PRPF3: variants seen among roughly 807,000 people sequenced by gnomAD.
PRPF3 encodes U4/U6 small nuclear ribonucleoprotein Prp3.
Under a neutral mutation model 89.2 loss-of-function variants are expected in PRPF3, and 3 were observed. The observed-to-expected ratio is 0.03, with a 90% confidence interval of 0.02 to 0.09. PRPF3 has a LOEUF of 0.09. PRPF3 is among the 10% of genes least tolerant of loss of function. PRPF3 has a pLI of 1.00. For missense variants in PRPF3, 463 were observed against 828.8 expected (o/e 0.56, Z 5.42); for synonymous variants, 270 against 289.1 (o/e 0.93, Z 0.67).
chr1:150,340,311 T>TG, intron 8 of PRPF3, 87 bp from the exon 9 acceptor site: 1 of 942,018 alleles, frequency 1.1e-6, no homozygotes, highest in South Asian at 1.3e-5. Context: ...TTATAGAGAG[T>TG]GGGTTTTTTC....
chr1:150,349,972 C>T (rs1372780229), intron 15 of PRPF3, among the ~76,000 whole-genome samples: 5 of 151,908 alleles, frequency 3.3e-5, no homozygotes, highest in Non-Finnish European at 7.4e-5. Context: ...CTCGGCTCAC[C>T]GCAACCTCTA....
At chr1:150,348,459 C>CTTTTTTTTTTTTTTTT (rs1553873583) in intron 14 of PRPF3, among the ~76,000 whole-genome samples, 4 of 34,832 alleles carry the variant, frequency 1.1e-4, no homozygotes, top group African/African-American at 2.8e-4. Flanking sequence ...TCTACACGTG[C>CTTTTTTTTTTTTTTTT]ATTTTTTTTT....
chr1:150,345,963 T>C, intron 12 of PRPF3, 55 bp from the exon 13 acceptor site: 1 of 1,372,886 alleles, frequency 7.3e-7, no homozygotes, highest in Non-Finnish European at 1.0e-6. Context: ...GCCACTCCAT[T>C]CAGGCAGCTG....
intron 9 of PRPF3, 67 bp downstream of exon 9, chr1:150,340,544 G>A: frequency 3.3e-6 from 4 of 1,212,102 alleles, no homozygotes; most frequent in South Asian, 2.4e-5. Context: ...ATACAGTGAG[G>A]AACATGTTCT....
chr1:150,347,563 C>G (rs1324420029), intron 14 of PRPF3, among the ~76,000 whole-genome samples: 9 of 152,020 alleles, frequency 5.9e-5, no homozygotes, highest in African/African-American at 9.7e-5. Context: ...AACCCCGTCT[C>G]TACTGAAAAC....
At chr1:150,352,725 G>A (rs1051249781) in intron 15 of PRPF3, 108 bp from the exon 16 acceptor site, 6 of 1,238,666 alleles carry the variant, frequency 4.8e-6, no homozygotes, top group Admixed American at 2.0e-5. Context: ...ATAAAATCAC[G>A]TTCAGCTGGG....
intron 4 of PRPF3, among the ~76,000 whole-genome samples, chr1:150,331,680 A>T (rs1260404): frequency 0.46 from 69,540 of 151,978 alleles, 16,792 homozygotes; most frequent in East Asian, 0.76. Flanking sequence ...GTAATTTTTG[A>T]ATTTTGAATA....
intron 9 of PRPF3, among the ~76,000 whole-genome samples, chr1:150,340,739 G>A (rs1426230466): frequency 7.2e-5 from 11 of 151,924 alleles, no homozygotes; most frequent in Admixed American, 6.6e-5. Context: ...AAACACTTTC[G>A]GAGGCCAAGG....
Position 150,325,746 on chromosome 1 carries a change from G to A in PRPF3, c.146-5G>A. On this transcript the variant is annotated splice_polypyrimidine_tract_variant and splice_region_variant and intron_variant, in intron 2 of 15. Coordinates refer to ENST00000324862, the MANE Select transcript of PRPF3 (RefSeq NM_004698.4). ...CAACCCTACCACCGCCTTTCTTCCT[G>A]TCAGATCATCTGAAACCTTTTCTTG... is the stretch of plus-strand genomic sequence containing the variant. 1 of 1,611,828 alleles carries A rather than the reference G, an allele frequency of 6.2e-7. No individual in the cohort carries two copies. The highest frequency in any genetic ancestry group is 1.1e-5 in the South Asian group (1 of 90,920).
chr1:150,325,709 C>G, intron 2 of PRPF3, 42 bp from the exon 3 acceptor site: 1 of 1,602,922 alleles, frequency 6.2e-7, no homozygotes, highest in Non-Finnish European at 8.5e-7. Flanking sequence ...AGACTGTGTA[C>G]TCTTACCTTT....
intron 12 of PRPF3, chr1:150,345,812 A>G (rs1572271874): frequency 1.6e-6 from 1 of 606,142 alleles, no homozygotes; most frequent in East Asian, 2.8e-5. Flanking sequence ...GTTAATGTAA[A>G]GTGCTAGACT....
In PRPF3 at chr1:150,322,473, T is replaced by A. The variant is rs16835982; in HGVS notation, c.-49+881T>A. Among the ~76,000 whole-genome samples the A allele has an allele frequency of 9.0e-3, 1,373 of 152,366 alleles. 17 individuals are homozygous for A. The highest frequency in any genetic ancestry group is 0.031 in the African/African-American group (1,301 of 41,592). On this transcript the variant is annotated intron_variant, in intron 1 of 15. Coordinates refer to ENST00000324862, the MANE Select transcript of PRPF3 (RefSeq NM_004698.4). ...TCTGTGTGAACTCTTGTTTTCACTT[T>A]CTATGGCATCTGGATATGCCGCTTT...
intron 8 of PRPF3, 139 bp downstream of exon 8, chr1:150,338,465 A>G (rs1304712177): frequency 1.2e-6 from 1 of 859,902 alleles, no homozygotes; most frequent in Non-Finnish European, 1.8e-6. Context: ...TTTAAATCCA[A>G]GAGAGATAAG....
At chr1:150,344,887 A>G (rs587603109) in intron 12 of PRPF3, among the ~76,000 whole-genome samples, 1 of 144,258 alleles carries the variant, frequency 6.9e-6, no homozygotes, top group Admixed American at 6.9e-5. Context: ...TTTTTTTTTC[A>G]TCTTTTTTTT....
Position 150,343,440 on chromosome 1 carries a change from C to G in PRPF3, c.1414C>G (p.Pro472Ala), listed in dbSNP as rs782745194. 8 of 1,613,716 alleles carry G rather than the reference C, an allele frequency of 5.0e-6. No individual in the cohort carries two copies. In the East Asian group the frequency reaches 1.6e-4, roughly 31 times the overall value. The stretch of plus-strand genomic sequence containing the variant: ...AGTCAGGCTGGGCCTGATGCCTCCT[C>G]CAGAACCCAAAGGTGCATTTCTCAG... ...EKVRLGLMPP[P>A]EPKVRISNLM... Residue 472 changes from proline to alanine, a missense_variant, in exon 10 of 16, where the codon CCA becomes GCA. This residue lies in a region of PRPF3 where 261 missense variants were observed against 475.8 expected (regional missense o/e 0.55). Transcript: ENST00000324862.
chr1:150,353,228 AT>A lies in PRPF3; in HGVS notation c.*251del. ...TGATATTTTTCACACATTCGTAAGT[AT>A]TAGAGTTTGGGTCTACAGGTGATCT... On this transcript the variant is annotated 3_prime_UTR_variant, in exon 16 of 16. Transcript: ENST00000324862. 1 of 505,626 alleles carries A rather than the reference AT, an allele frequency of 2.0e-6. No homozygotes were observed. Among genetic ancestry groups the A allele is most frequent in the Non-Finnish European group, 3.6e-6 (1 of 278,880 alleles). The allele number at this position is 505,626 out of a possible 1,614,324, so 31.3% of individuals were successfully genotyped here.
intron 12 of PRPF3, 72 bp from the exon 13 acceptor site, chr1:150,345,946 T>C: frequency 8.4e-7 from 1 of 1,188,124 alleles, no homozygotes; most frequent in South Asian, 1.2e-5. Flanking sequence ...GATTCATCTT[T>C]TTACTTGCCA....
In PRPF3 at chr1:150,328,197, A is replaced by G. The variant is rs587687493; in HGVS notation, c.277-123A>G. ...TAGACCCTGCTTCTGGCAGGTGGCT[A>G]TTTGCAAGGTTGTGTCATATTCCCC... On this transcript the variant is annotated intron_variant, in intron 3 of 15. Coordinates refer to ENST00000324862, the MANE Select transcript of PRPF3 (RefSeq NM_004698.4). 10 of 1,156,940 alleles carry G rather than the reference A, an allele frequency of 8.6e-6. 1 individual carries two copies. The African/African-American group carries it at 1.4e-4, about 16-fold the overall frequency. 71.7% of individuals were successfully genotyped at this position (1,156,940 alleles called of 1,614,324 possible). A position where few individuals can be genotyped will look rare whatever the true frequency, so the allele number is the denominator to read the frequency against.
In PRPF3 at chr1:150,335,079, A is replaced by C; in HGVS notation, c.873A>C (p.Glu291Asp). 1 of 1,614,140 alleles carries C rather than the reference A, an allele frequency of 6.2e-7. No individual in the cohort carries two copies. Among genetic ancestry groups the C allele is most frequent in the Non-Finnish European group, 8.5e-7 (1 of 1,180,018 alleles). Residue 291 changes from glutamate to aspartate, a missense_variant, in exon 7 of 16, where the codon GAA becomes GAC. By Grantham distance (45) the Glu-to-Asp change is conservative. Coordinates refer to ENST00000324862, the MANE Select transcript of PRPF3 (RefSeq NM_004698.4). ...CCAATATTCGTGCTGTGAAGAGGGAACAATTCAAGCAACAACTAAAGGAAA... is the reference window on the plus strand; with the variant it reads ...CCAATATTCGTGCTGTGAAGAGGGACCAATTCAAGCAACAACTAAAGGAAA... ...LKANIRAVKR[E>D]QFKQQLKEKP...
Sources: allele counts gnomAD v4.1 joint callset (sites outside exome capture counted in the v4.1 genomes callset), GRCh38; gene constraint gnomAD v4.1.1; regional missense constraint gnomAD v4.1.1; transcripts MANE v1.5; gene names NCBI Gene and HGNC (gene_info 2026-07-23, HGNC 2026-07-21).